The following SCFD2 variants were observed in gnomAD, a reference collection of about 807,000 sequenced individuals.
The protein encoded by SCFD2 is sec1 family domain containing 2.
In SCFD2, 54 loss-of-function variants were observed where a neutral mutation model predicts 58.9. That is an observed-to-expected ratio of 0.92 (90% CI 0.74 to 1.15). The LOEUF (loss-of-function observed/expected upper bound fraction) is 1.15, where lower values mean the gene tolerates loss of function less well. Ranked by LOEUF, SCFD2 falls within the 50% of genes most tolerant of loss-of-function variation. The pLI is 0.00. For missense variants in SCFD2, 805 were observed against 836.6 expected (o/e 0.96, Z 0.47); for synonymous variants, 321 against 335.9 (o/e 0.96, Z 0.49).
rs557288013 is a variant in SCFD2, at chr4:52,928,925, G to A, written c.1562-8055C>T. Among the ~76,000 whole-genome samples the A allele has an allele frequency of 7.9e-5, 12 of 152,114 alleles. No individual in the cohort carries two copies. The South Asian group carries it at 2.1e-3, about 26-fold the overall frequency. On this transcript the variant is annotated intron_variant, in intron 5 of 8. Coordinates refer to ENST00000401642, the MANE Select transcript of SCFD2 (RefSeq NM_152540.4). ...AATCAGACCAAAAAAATGACATAAA[G>A]CAGCAGCACTGATTTTCTTGAGCGG...
chr4:52,910,947 T>C (rs1445294964), intron 6 of SCFD2, among the ~76,000 whole-genome samples: 1 of 152,146 alleles, frequency 6.6e-6, no homozygotes, highest in Admixed American at 6.5e-5. Context: ...CCAAGCCCTG[T>C]GGAACTGTGA....
chr4:53,260,266 T>C (rs1411499717), intron 4 of SCFD2, among the ~76,000 whole-genome samples: 1 of 152,176 alleles, frequency 6.6e-6, no homozygotes, highest in East Asian at 1.9e-4. Context: ...CAGTACTATG[T>C]TGAACAGAAG....
intron 4 of SCFD2, among the ~76,000 whole-genome samples, chr4:53,213,050 T>C (rs1273844892): frequency 6.6e-6 from 1 of 152,124 alleles, no homozygotes; most frequent in African/African-American, 2.4e-5. Flanking sequence ...GTAATAATGA[T>C]AAATGAAGTG....
chr4:53,202,701 T>C (rs1479541432), intron 4 of SCFD2, among the ~76,000 whole-genome samples: 3 of 152,150 alleles, frequency 2.0e-5, no homozygotes, highest in African/African-American at 4.8e-5. Flanking sequence ...TTTTATTTCA[T>C]TGAGCAGTGG....
At chr4:52,934,197 C>T (rs1296353374) in intron 5 of SCFD2, among the ~76,000 whole-genome samples, 1 of 152,214 alleles carries the variant, frequency 6.6e-6, no homozygotes, top group Non-Finnish European at 1.5e-5. Context: ...TAGCATACAA[C>T]CTCCTTCATT....
intron 5 of SCFD2, among the ~76,000 whole-genome samples, chr4:53,018,386 T>A (rs957776937): frequency 1.3e-5 from 2 of 152,094 alleles, no homozygotes; most frequent in African/African-American, 4.8e-5. Flanking sequence ...TTACGGCAAA[T>A]CCAATATTGC....
At chr4:53,310,232 G>A (rs1465523489) in intron 3 of SCFD2, among the ~76,000 whole-genome samples, 1 of 152,112 alleles carries the variant, frequency 6.6e-6, no homozygotes, top group East Asian at 1.9e-4. Flanking sequence ...GAGGCATCAA[G>A]CATAGAACAC....
At chr4:53,313,959 CAA>C (rs1732779447) in intron 2 of SCFD2, among the ~76,000 whole-genome samples, 196 bp from the exon 3 acceptor site, 1 of 151,642 alleles carries the variant, frequency 6.6e-6, no homozygotes, top group Non-Finnish European at 1.5e-5. Flanking sequence ...ATTAAGGAAA[CAA>C]TAAAATCAAG....
At chr4:53,324,478 A>T (rs1733120115) in intron 2 of SCFD2, among the ~76,000 whole-genome samples, 1 of 152,110 alleles carries the variant, frequency 6.6e-6, no homozygotes, top group African/African-American at 2.4e-5. Context: ...GACTGTCAAA[A>T]AGGAAGAAGT....
At chr4:52,931,177 T>C (rs546764961) in intron 5 of SCFD2, among the ~76,000 whole-genome samples, 1 of 152,356 alleles carries the variant, frequency 6.6e-6, no homozygotes, top group African/African-American at 2.4e-5. Flanking sequence ...GAATTAATTC[T>C]ACTGAATTAC....
chr4:53,248,646 C>A (rs555617895), intron 4 of SCFD2, among the ~76,000 whole-genome samples: 97 of 152,278 alleles, frequency 6.4e-4, no homozygotes, highest in African/African-American at 2.2e-3. Context: ...GTGGGAGACA[C>A]CCCCCAGTAG....
chr4:52,970,765 C>A (rs1721079791), intron 5 of SCFD2, among the ~76,000 whole-genome samples: 1 of 152,214 alleles, frequency 6.6e-6, no homozygotes, highest in Non-Finnish European at 1.5e-5. Context: ...GGAGGCATCC[C>A]CCAGTAGGGG....
chr4:53,205,641 C>A (rs970079924), intron 4 of SCFD2, among the ~76,000 whole-genome samples: 1 of 151,906 alleles, frequency 6.6e-6, no homozygotes, highest in African/African-American at 2.4e-5. Context: ...GGGCGGATCA[C>A]GAGGTCAGGA....
intron 5 of SCFD2, among the ~76,000 whole-genome samples, chr4:52,938,716 A>C (rs901737034): frequency 2.6e-5 from 4 of 152,270 alleles, no homozygotes; most frequent in African/African-American, 9.6e-5. Flanking sequence ...TGCCATTGTA[A>C]TTTTATTGAT....
intron 5 of SCFD2, among the ~76,000 whole-genome samples, chr4:52,960,574 G>A (rs1720822856): frequency 1.3e-5 from 2 of 151,924 alleles, no homozygotes; most frequent in South Asian, 4.2e-4. Context: ...TCTCCACGTT[G>A]GTCAGGCTGG....
At chr4:53,191,245 G>A (rs1265209713) in intron 4 of SCFD2, among the ~76,000 whole-genome samples, 1 of 152,008 alleles carries the variant, frequency 6.6e-6, no homozygotes, top group African/African-American at 2.4e-5. Context: ...AGCTACTTGG[G>A]AGGCAGCTGA....
intron 4 of SCFD2, among the ~76,000 whole-genome samples, chr4:53,212,207 C>T (rs1444824364): frequency 3.3e-5 from 5 of 152,002 alleles, no homozygotes; most frequent in Non-Finnish European, 5.9e-5. Flanking sequence ...CTCCACCCCT[C>T]AAAATCAAAC....
chr4:53,118,064 T>A (rs1218176511), intron 5 of SCFD2, among the ~76,000 whole-genome samples: 1 of 152,204 alleles, frequency 6.6e-6, no homozygotes, highest in South Asian at 2.1e-4. Flanking sequence ...GTATGCCAGG[T>A]ACTATGTGAC....
intron 5 of SCFD2, among the ~76,000 whole-genome samples, chr4:53,020,945 C>T (rs1164736176): frequency 6.6e-6 from 1 of 152,156 alleles, no homozygotes; most frequent in Non-Finnish European, 1.5e-5. Flanking sequence ...TTTTGCCCCA[C>T]ATTCCTTCTT....
Sources: allele counts gnomAD v4.1 joint callset (sites outside exome capture counted in the v4.1 genomes callset), GRCh38; gene constraint gnomAD v4.1.1; transcripts MANE v1.5; gene names NCBI Gene and HGNC (gene_info 2026-07-23, HGNC 2026-07-21).